The following NPR3 variants were observed in gnomAD, a reference collection of about 807,000 sequenced individuals.
The protein encoded by NPR3 is natriuretic peptide receptor 3, also known as atrial natriuretic peptide receptor 3.
NPR3 carries 34 observed loss-of-function variants against 54.5 expected under a neutral mutation model. The ratio of observed to expected loss-of-function variants is 0.62; its 90% CI spans 0.47 to 0.83. NPR3 has a LOEUF of 0.83. NPR3 is among the 40% of genes least tolerant of loss of function. NPR3 has a pLI of 0.00. For missense variants in NPR3, 674 were observed against 720.8 expected (o/e 0.94, Z 0.74); for synonymous variants, 289 against 297.1 (o/e 0.97, Z 0.28).
intron 1 of NPR3, chr5:32,713,246 T>A (rs899417466): frequency 1.0e-6 from 1 of 985,364 alleles, no homozygotes; most frequent in African/African-American, 1.7e-5. Flanking sequence ...AGCTAAGCTT[T>A]GCGGGAGTGC....
chr5:32,712,278 G>T lies in NPR3; in HGVS notation c.502G>T (p.Asp168Tyr). 1 of 1,613,060 alleles carries T rather than the reference G, an allele frequency of 6.2e-7. No homozygotes were observed. Among genetic ancestry groups the T allele is most frequent in the East Asian group, 2.2e-5 (1 of 44,858 alleles). ...GALAAGFQHK[D>Y]SEYSHLTRVA... is the part of the protein sequence containing the mutation. ...GCTGGCCGCTGGCTTCCAGCACAAG[G>T]ACTCTGAGTACTCGCACCTCACGCG... is the stretch of plus-strand genomic sequence containing the variant. The change falls in exon 1 of 8, where the codon GAC becomes TAC. Residue 168 changes from aspartate to tyrosine, a missense_variant. Asp to Tyr is a radical substitution (Grantham distance 160). Coordinates refer to ENST00000265074, the MANE Select transcript of NPR3 (RefSeq NM_001204375.2).
chr5:32,696,700 T>C (rs961727946), intron 1 of NPR3, among the ~76,000 whole-genome samples: 1 of 152,174 alleles, frequency 6.6e-6, no homozygotes, highest in Non-Finnish European at 1.5e-5. Flanking sequence ...ATAGTTTTCA[T>C]TGAAGAGATC....
chr5:32,727,445 T>C (rs540822221), intron 2 of NPR3, among the ~76,000 whole-genome samples: 1 of 152,382 alleles, frequency 6.6e-6, no homozygotes, highest in Non-Finnish European at 1.5e-5. Flanking sequence ...TAGGTTTTGA[T>C]AGATATTGTC....
intron 3 of NPR3, among the ~76,000 whole-genome samples, chr5:32,765,989 TGC>T (rs1741434084): frequency 6.6e-6 from 1 of 151,966 alleles, no homozygotes; most frequent in African/African-American, 2.4e-5. Context: ...CAGTAGGGGT[TGC>T]GGGGGGAACT....
At chr5:32,726,822 A>G (rs1286193009) in intron 2 of NPR3, among the ~76,000 whole-genome samples, 1 of 152,230 alleles carries the variant, frequency 6.6e-6, no homozygotes, top group Admixed American at 6.5e-5. Context: ...TACACTGATA[A>G]TTTTTGGAAG....
At chr5:32,759,108 T>C (rs1234020035) in intron 3 of NPR3, among the ~76,000 whole-genome samples, 2 of 152,202 alleles carry the variant, frequency 1.3e-5, no homozygotes, top group Non-Finnish European at 1.5e-5. Context: ...GTTCTGTAGA[T>C]GTCTATTAGG....
At chr5:32,772,009 T>C (rs1333867473) in intron 3 of NPR3, among the ~76,000 whole-genome samples, 2 of 152,168 alleles carry the variant, frequency 1.3e-5, no homozygotes, top group Non-Finnish European at 2.9e-5. Context: ...AGTTCACTTA[T>C]TAAAATTCAT....
intron 7 of NPR3, among the ~76,000 whole-genome samples, 180 bp from the exon 8 acceptor site, chr5:32,786,054 C>A (rs1468574519): frequency 1.3e-5 from 2 of 152,206 alleles, no homozygotes; most frequent in African/African-American, 2.4e-5. Flanking sequence ...AATTTTCTCT[C>A]TTGAATAAGG....
At chr5:32,753,933 G>A (rs1225597901) in intron 3 of NPR3, among the ~76,000 whole-genome samples, 1 of 152,116 alleles carries the variant, frequency 6.6e-6, no homozygotes, top group African/African-American at 2.4e-5. Flanking sequence ...CATTGCACTA[G>A]TAAAGTGGAA....
chr5:32,747,990 G>A (rs1464617184), intron 3 of NPR3, among the ~76,000 whole-genome samples: 1 of 152,114 alleles, frequency 6.6e-6, no homozygotes, highest in Non-Finnish European at 1.5e-5. Context: ...CTGTGCTCAA[G>A]CAATCCTCCT....
At chr5:32,781,964 G>A (rs1474348131) in intron 5 of NPR3, among the ~76,000 whole-genome samples, 2 of 152,156 alleles carry the variant, frequency 1.3e-5, no homozygotes, top group African/African-American at 4.8e-5. Flanking sequence ...AGAGCCATGC[G>A]CTTGTTTTCA....
At position 32,789,702 on chromosome 5, in the gene NPR3, A is replaced by T. The variant is rs148410903; in HGVS notation, c.*3357A>T. 551 of 534,634 alleles carry T rather than the reference A, an allele frequency of 1.0e-3. No homozygotes were observed. Among genetic ancestry groups the T allele is most frequent in the African/African-American group, 9.6e-3 (500 of 52,036 alleles). 33.1% of individuals were successfully genotyped at this position (534,634 alleles called of 1,614,324 possible). On this transcript the variant is annotated 3_prime_UTR_variant, in exon 8 of 8. Transcript: ENST00000265074. ...CAAATGCATCACTTTCCTTTTAGTT[A>T]TGGCTGATTTTGGGTGTGTGTGTGT...
intron 2 of NPR3, among the ~76,000 whole-genome samples, chr5:32,736,586 G>A (rs920115803): frequency 1.3e-5 from 2 of 152,170 alleles, no homozygotes; most frequent in African/African-American, 4.8e-5. Context: ...CAAGCAATGG[G>A]CTCCTCCATT....
At chr5:32,706,166 C>T (rs1168853545), upstream of NPR3, among the ~76,000 whole-genome samples, 1 of 152,182 alleles carries the variant, frequency 6.6e-6, no homozygotes. Flanking sequence ...TGCACTCTGT[C>T]TCAGCATGTG....
rs142669751 is a variant in NPR3, at chr5:32,695,950, A to T, written c.100+6764A>T. On this transcript the variant is annotated intron_variant, in intron 1 of 5. Coordinates refer to the NPR3 transcript ENST00000509104. ...CCCTTGTCAGATGGATAGTTTGAAA[A>T]TTTTTTCTCCCATTTTACGGGCTGC... 7.2e-3 allele frequency among the ~76,000 whole-genome samples: 1,089 copies of T among 151,996 alleles called. 8 individuals are homozygous for T. The highest frequency in any genetic ancestry group is 9.8e-3 in the Non-Finnish European group (663 of 67,962).
intron 3 of NPR3, among the ~76,000 whole-genome samples, chr5:32,769,987 A>T (rs111380229): frequency 6.6e-6 from 1 of 152,254 alleles, no homozygotes; most frequent in Admixed American, 6.5e-5. Flanking sequence ...AACAGCAGCA[A>T]CAACAGGATT....
Position 32,787,649 on chromosome 5 carries a change from A to AT in NPR3, c.*1305dup, listed in dbSNP as rs1742707289. 1 of 152,218 alleles carries AT rather than the reference A, an allele frequency of 6.6e-6. No individual in the cohort carries two copies. The highest frequency in any genetic ancestry group is 2.4e-5 in the African/African-American group (1 of 41,460). The allele number at this position is 152,218 out of a possible 1,614,324, so 9.4% of individuals were successfully genotyped here. Reference sequence around the variant, plus strand: ...CACAGAACTTTGTAGGCATCCATGAATACCTGTAATAGTGGGTTAGGTGTG... The same window carrying AT: ...CACAGAACTTTGTAGGCATCCATGAATTACCTGTAATAGTGGGTTAGGTGTG... On this transcript the variant is annotated 3_prime_UTR_variant, in exon 8 of 8. Coordinates refer to ENST00000265074, the MANE Select transcript of NPR3 (RefSeq NM_001204375.2).
chr5:32,733,908 C>G (rs927157983), intron 2 of NPR3, among the ~76,000 whole-genome samples: 1 of 152,142 alleles, frequency 6.6e-6, no homozygotes, highest in Non-Finnish European at 1.5e-5. Flanking sequence ...GTGTTGGTAT[C>G]TGGAGTCTGG....
intron 4 of NPR3, among the ~76,000 whole-genome samples, chr5:32,775,123 G>C (rs1741977046): frequency 6.6e-6 from 1 of 152,192 alleles, no homozygotes; most frequent in Non-Finnish European, 1.5e-5. Flanking sequence ...CCTCATGCAT[G>C]ACAGGACAGT....
Sources: allele counts gnomAD v4.1 joint callset (sites outside exome capture counted in the v4.1 genomes callset), GRCh38; gene constraint gnomAD v4.1.1; transcripts MANE v1.5; gene names NCBI Gene and HGNC (gene_info 2026-07-23, HGNC 2026-07-21).